The following NOL4 variants were observed in gnomAD, a reference collection of about 807,000 sequenced individuals.
The protein encoded by NOL4 is cancer/testis antigen 125.
A neutral mutation model predicts 75.9 loss-of-function variants in NOL4; 17 were observed. That is an observed-to-expected ratio of 0.22 (90% CI 0.15 to 0.34). The LOEUF (loss-of-function observed/expected upper bound fraction) is 0.34, where lower values mean the gene tolerates loss of function less well. Among genes scored for constraint, NOL4 ranks in the 10% least tolerant of loss-of-function variants. The pLI is 1.00. For synonymous variants in NOL4, 292 were observed against 289.9 expected (o/e 1.01, Z -0.07); for missense variants, 614 against 793.5 (o/e 0.77, Z 2.72).
chr18:33,937,180 A>C (rs4799732), intron 9 of NOL4, among the ~76,000 whole-genome samples: 119,362 of 151,950 alleles, frequency 0.79, 47,259 homozygotes, highest in East Asian at 0.96. Context: ...ACTTCTGTGA[A>C]ATCTGATTCC....
chr18:33,944,408 G>A (rs763962011), intron 8 of NOL4, among the ~76,000 whole-genome samples: 3 of 151,842 alleles, frequency 2.0e-5, no homozygotes, highest in Non-Finnish European at 4.4e-5. Context: ...ACACTCCATA[G>A]TTAAATTTGT....
chr18:34,138,648 C>G (rs1302272560), intron 1 of NOL4, among the ~76,000 whole-genome samples: 1 of 152,096 alleles, frequency 6.6e-6, no homozygotes, highest in African/African-American at 2.4e-5. Flanking sequence ...TTCCTCTTTT[C>G]CTAATTGAAT....
chr18:34,037,641 A>C (rs2075968289), intron 5 of NOL4, among the ~76,000 whole-genome samples: 1 of 152,082 alleles, frequency 6.6e-6, no homozygotes, highest in Non-Finnish European at 1.5e-5. Context: ...TGACAAAGAT[A>C]CAAAGAATAT....
Position 34,223,009 on chromosome 18 carries a change from T to C in NOL4, c.245A>G (p.Tyr82Cys). Reference protein sequence around the residue: ...GGGGGAKQVLYVPVKTTDGVG... With the variant: ...GGGGGAKQVLCVPVKTTDGVG... ...ACTCACCGTGGTCTTGACAGGCACG[T>C]AGAGCACTTGCTTGGCGCCGCCGCC... The change falls in exon 1 of 11, where the codon TAC (tyrosine) becomes TGC (cysteine). Residue 82 changes from tyrosine (Y) to cysteine (C), a missense_variant. Physicochemically the swap from Tyr to Cys is radical, Grantham distance 194 (BLOSUM62 -2). Around this residue, in one of 9 missense-constraint regions of NOL4, gnomAD observed 49 missense variants for 39.6 expected, o/e 1.24. Coordinates refer to ENST00000261592, the MANE Select transcript of NOL4 (RefSeq NM_003787.5). 2 of 1,609,238 alleles carry C rather than the reference T, an allele frequency of 1.2e-6. No homozygotes were observed. Among genetic ancestry groups the C allele is most frequent in the Non-Finnish European group, 1.7e-6 (2 of 1,179,766 alleles).
chr18:34,010,613 T>A (rs2074317328), intron 6 of NOL4, among the ~76,000 whole-genome samples: 1 of 151,930 alleles, frequency 6.6e-6, no homozygotes. Context: ...ATTTTTAGAT[T>A]TTTGAGCAAT....
intron 6 of NOL4, among the ~76,000 whole-genome samples, chr18:33,999,628 G>T (rs956919810): frequency 6.6e-6 from 1 of 151,880 alleles, no homozygotes; most frequent in Non-Finnish European, 1.5e-5. Flanking sequence ...AATGGCAAAG[G>T]TGTTCCCCTA....
chr18:34,014,792 T>A (rs2074584472), intron 6 of NOL4, among the ~76,000 whole-genome samples: 1 of 152,060 alleles, frequency 6.6e-6, no homozygotes, highest in Non-Finnish European at 1.5e-5. Context: ...TTAATGTGAT[T>A]CCCTGCTAGT....
chr18:33,935,038 C>T (rs2067968498), intron 9 of NOL4, among the ~76,000 whole-genome samples: 1 of 151,776 alleles, frequency 6.6e-6, no homozygotes, highest in African/African-American at 2.4e-5. Flanking sequence ...TTTTAAAAAA[C>T]ATTTTTGTAG....
chr18:33,892,520 G>A (rs890366423), intron 9 of NOL4, among the ~76,000 whole-genome samples: 3 of 152,150 alleles, frequency 2.0e-5, no homozygotes, highest in Non-Finnish European at 4.4e-5. Flanking sequence ...CTTGCCTCCT[G>A]GGTTACCATG....
At chr18:34,148,464 G>C (rs1216979775) in intron 1 of NOL4, among the ~76,000 whole-genome samples, 1 of 151,844 alleles carries the variant, frequency 6.6e-6, no homozygotes, top group Non-Finnish European at 1.5e-5. Flanking sequence ...CCTTAATTTC[G>C]TTATTTACCC....
chr18:33,862,198 G>C (rs1222294817), intron 10 of NOL4, among the ~76,000 whole-genome samples: 2 of 152,154 alleles, frequency 1.3e-5, no homozygotes. Context: ...AAATGGTGCT[G>C]GGAAAACTGG....
At position 34,223,403 on chromosome 18, in the gene NOL4, G is replaced by A; in HGVS notation, c.-150C>T. On this transcript the variant is annotated 5_prime_UTR_variant, in exon 1 of 11. Coordinates refer to ENST00000261592, the MANE Select transcript of NOL4 (RefSeq NM_003787.5). ...CTGCTTTGGGTGGGGGAAGGGATGG[G>A]AAGAGGGGAGGAGGGTCCGGTTGGG... 1 of 1,115,236 alleles carries A rather than the reference G, an allele frequency of 9.0e-7. No individual in the cohort carries two copies. Among genetic ancestry groups the A allele is most frequent in the Non-Finnish European group, 1.3e-6 (1 of 796,972 alleles). 69.1% of individuals were successfully genotyped at this position (1,115,236 alleles called of 1,614,324 possible).
chr18:33,946,888 G>A (rs1024819414), intron 8 of NOL4, among the ~76,000 whole-genome samples: 5 of 151,430 alleles, frequency 3.3e-5, no homozygotes, highest in Non-Finnish European at 4.4e-5. Context: ...TACTATACAC[G>A]AACCATAATA....
At chr18:34,222,791 A>G (rs540352527) in intron 1 of NOL4, among the ~76,000 whole-genome samples, 199 bp downstream of exon 1, 1 of 152,232 alleles carries the variant, frequency 6.6e-6, no homozygotes, top group South Asian at 2.1e-4. Context: ...TTTAAAATAA[A>G]GGACCACAAA....
chr18:34,031,964 T>C (rs1301414589), intron 5 of NOL4, among the ~76,000 whole-genome samples: 2 of 152,164 alleles, frequency 1.3e-5, no homozygotes, highest in East Asian at 3.9e-4. Flanking sequence ...TCTAAGCAGC[T>C]ACAACAAGCT....
intron 2 of NOL4, among the ~76,000 whole-genome samples, chr18:34,108,619 A>T (rs1368171257): frequency 2.0e-5 from 3 of 152,216 alleles, no homozygotes; most frequent in African/African-American, 7.2e-5. Flanking sequence ...TTAAATAATG[A>T]TAAAGTCAAT....
chr18:33,937,811 G>A (rs2068171892), intron 9 of NOL4, among the ~76,000 whole-genome samples: 1 of 152,120 alleles, frequency 6.6e-6, no homozygotes, highest in South Asian at 2.1e-4. Flanking sequence ...ATTATAAACA[G>A]TAAACTAGTG....
At chr18:33,953,038 T>C (rs1412993102) in intron 8 of NOL4, among the ~76,000 whole-genome samples, 2 of 151,980 alleles carry the variant, frequency 1.3e-5, no homozygotes, top group East Asian at 3.9e-4. Context: ...AAGTGAGGCA[T>C]AGGATGCCTC....
intron 1 of NOL4, among the ~76,000 whole-genome samples, chr18:34,146,572 T>C (rs117913650): frequency 0.02 from 2,990 of 152,278 alleles, 35 homozygotes; most frequent in Non-Finnish European, 0.025. Context: ...TCTGTTCTGT[T>C]CCAGTGGTCT....
Sources: gnomAD v4.1 joint callset for allele counts (sites outside exome capture counted in the v4.1 genomes callset) on GRCh38, gnomAD v4.1.1 for gene constraint, gnomAD v4.1.1 regional missense constraint, MANE v1.5 for transcripts, NCBI Gene and HGNC (gene_info 2026-07-23, HGNC 2026-07-21) for gene names.